The following HTT variants were observed in gnomAD, a reference collection of about 807,000 sequenced individuals.
HTT encodes the protein huntingtin, also known as huntington disease protein.
A neutral mutation model predicts 362.3 loss-of-function variants in HTT; 104 were observed. The ratio of observed to expected loss-of-function variants is 0.29; its 90% CI spans 0.24 to 0.34. The LOEUF (loss-of-function observed/expected upper bound fraction) is 0.34, where lower values mean the gene tolerates loss of function less well. HTT is among the 10% of genes least tolerant of loss of function. The pLI, the probability that HTT is intolerant of heterozygous loss-of-function variation, is 1.00. For synonymous variants in HTT, 1,577 were observed against 1,548.7 expected (o/e 1.02, Z -0.43); for missense variants, 3,301 against 3,928.6 (o/e 0.84, Z 4.27).
At chr4:3,234,311 C>T (rs767058316) in intron 61 of HTT, among the ~76,000 whole-genome samples, 41 of 152,348 alleles carry the variant, frequency 2.7e-4, no homozygotes, top group Non-Finnish European at 4.3e-4. Flanking sequence ...GTCACAAGCC[C>T]GTGGGGAGGC....
At chr4:3,133,771 A>G (rs1037708572) in intron 18 of HTT, among the ~76,000 whole-genome samples, 1 of 152,222 alleles carries the variant, frequency 6.6e-6, no homozygotes, top group African/African-American at 2.4e-5. Flanking sequence ...TTTGTGGGAT[A>G]ACTCCCCCTT....
At chr4:3,167,255 T>C (rs868842003) in intron 29 of HTT, among the ~76,000 whole-genome samples, 9 of 152,110 alleles carry the variant, frequency 5.9e-5, no homozygotes, top group Middle Eastern at 3.2e-3. Context: ...GTATTTTTAG[T>C]GGAGATGGGG....
intron 19 of HTT, among the ~76,000 whole-genome samples, chr4:3,135,200 C>T (rs536500668): frequency 6.6e-6 from 1 of 152,034 alleles, no homozygotes; most frequent in South Asian, 2.1e-4. Flanking sequence ...CTTCATTATA[C>T]TGAACCTAGG....
chr4:3,229,822 G>T, intron 59 of HTT, 65 bp from the exon 60 acceptor site: 2 of 1,544,614 alleles, frequency 1.3e-6, no homozygotes, highest in Admixed American at 3.4e-5. Flanking sequence ...TAGCGTTCTG[G>T]ATGCGTTGCC....
At chr4:3,132,166 C>T (rs1477913392) in intron 16 of HTT, among the ~76,000 whole-genome samples, 1 of 152,210 alleles carries the variant, frequency 6.6e-6, no homozygotes, top group Non-Finnish European at 1.5e-5. Context: ...CGCGCCCATG[C>T]TTACTATGGA....
intron 66 of HTT, among the ~76,000 whole-genome samples, chr4:3,239,197 C>T (rs1560609451): frequency 6.6e-6 from 1 of 152,156 alleles, no homozygotes; most frequent in Non-Finnish European, 1.5e-5. Flanking sequence ...CGGTGTATGG[C>T]AGGAGGGTCG....
Position 3,140,568 on chromosome 4 carries a change from G to A in HTT, c.2857G>A (p.Val953Met), listed in dbSNP as rs370523524. ...AGGACAAGCTGATCCAGTAGTGGCC[G>A]TGGCAAGAGATCAAAGCAGTGTTTA... ...DQGQADPVVA[V>M]ARDQSSVYLK... The change falls in exon 22 of 67, where the codon GTG becomes ATG. Residue 953 changes from valine to methionine, a missense_variant. Val to Met is a conservative substitution (Grantham distance 21). Coordinates refer to ENST00000355072, the MANE Select transcript of HTT (RefSeq NM_001388492.1). 7.4e-6 allele frequency: 12 copies of A among 1,613,730 alleles called. No homozygotes were observed. Among genetic ancestry groups the A allele is most frequent in the Admixed American group, 3.3e-5 (2 of 59,994 alleles).
intron 29 of HTT, among the ~76,000 whole-genome samples, chr4:3,169,067 G>A (rs1040566652): frequency 2.1e-5 from 3 of 139,648 alleles, no homozygotes; most frequent in African/African-American, 9.1e-5. Context: ...CGCCTGCGTT[G>A]GAGTGCAGTG....
At chr4:3,211,896 A>G (rs768107371) in intron 47 of HTT, 33 bp from the exon 48 acceptor site, 3 of 1,480,354 alleles carry the variant, frequency 2.0e-6, no homozygotes, top group Non-Finnish European at 1.9e-6. Flanking sequence ...ATCTGTTGTT[A>G]TTGTTTGTTA....
intron 1 of HTT, among the ~76,000 whole-genome samples, chr4:3,076,998 T>C (rs1265134297): frequency 6.6e-6 from 1 of 152,006 alleles, no homozygotes; most frequent in Non-Finnish European, 1.5e-5. Context: ...GCTAACATGG[T>C]GAAACCCTGT....
At chr4:3,177,490 T>A in intron 34 of HTT, 103 bp downstream of exon 34, 1 of 757,698 alleles carries the variant, frequency 1.3e-6, no homozygotes. Context: ...GCATTTTTGC[T>A]GTTTTCTTTA....
chr4:3,193,079 G>T (rs1485237486), intron 40 of HTT, among the ~76,000 whole-genome samples: 1 of 152,244 alleles, frequency 6.6e-6, no homozygotes, highest in Non-Finnish European at 1.5e-5. Flanking sequence ...AAGAGTTCCG[G>T]CACCCAAGAG....
Position 3,180,520 on chromosome 4 carries a change from C to G in HTT, c.4618C>G (p.Pro1540Ala), listed in dbSNP as rs777899356. The stretch of plus-strand genomic sequence containing the variant: ...GTACCCTTTTGTCCCCACAGCCATA[C>G]CGGCTCTGCAGCCCATAGTCCACGA... ...SGRKAVTHAI[P>A]ALQPIVHDLF... The change falls in exon 36 of 67, where the codon CCG (proline) becomes GCG (alanine). Residue 1540 changes from proline to alanine, a missense_variant. Around this residue, in one of 4 missense-constraint regions of HTT, gnomAD observed 2,316 missense variants for 2,658.5 expected, o/e 0.87. Transcript: ENST00000355072. 1.9e-6 allele frequency: 3 copies of G among 1,600,886 alleles called. No homozygotes were observed. Among genetic ancestry groups the G allele is most frequent in the South Asian group, 2.3e-5 (2 of 88,770 alleles).
At chr4:3,146,748 T>C in intron 24 of HTT, 49 bp from the exon 25 acceptor site, 1 of 1,570,728 alleles carries the variant, frequency 6.4e-7, no homozygotes, top group South Asian at 1.1e-5. Flanking sequence ...AAGACTGTTG[T>C]TTGCTTAAAA....
intron 26 of HTT, among the ~76,000 whole-genome samples, chr4:3,153,553 G>A (rs559684248): frequency 1.3e-5 from 2 of 152,312 alleles, no homozygotes; most frequent in Admixed American, 1.3e-4. Context: ...TTCTAGCTTT[G>A]CTGGTAACCA....
Position 3,205,824 on chromosome 4 carries a change from G to A in HTT, c.5719-672G>A, listed in dbSNP as rs577838930. Among the ~76,000 whole-genome samples the A allele has an allele frequency of 1.9e-4, 29 of 152,260 alleles. No individual in the cohort carries two copies. The East Asian group carries it at 3.7e-3, about 19-fold the overall frequency. The stretch of plus-strand genomic sequence containing the variant: ...TGATCCCAAATGAAAAATATTAATC[G>A]TTAACCAAATATCAAGGAATTGATC... On this transcript the variant is annotated intron_variant, in intron 42 of 66. Coordinates refer to ENST00000355072, the MANE Select transcript of HTT (RefSeq NM_001388492.1).
chr4:3,199,926 C>T lies in HTT; in HGVS notation c.5563C>T (p.Gln1855Ter). Residue 1855 changes from glutamine to a stop codon, truncating the protein, a stop_gained, in exon 41 of 67, where the codon CAG becomes TAG. Coordinates refer to ENST00000355072, the MANE Select transcript of HTT (RefSeq NM_001388492.1). LOFTEE classifies it high-confidence loss of function. ...CGACTACCGCTGGTGGGCAGAAGTG[C>T]AGCAGACCCCGAAGTAGGTTCATAA... The part of the protein sequence containing the change: ...HTDYRWWAEV[Q>*]QTPKRHSLSS... The T allele has an allele frequency of 1.2e-6, 2 of 1,613,364 alleles. No homozygotes were observed. Among genetic ancestry groups the T allele is most frequent in the Non-Finnish European group, 1.7e-6 (2 of 1,179,606 alleles).
At chr4:3,236,000 A>T in intron 63 of HTT, 149 bp from the exon 64 acceptor site, 1 of 731,306 alleles carries the variant, frequency 1.4e-6, no homozygotes, top group South Asian at 1.6e-5. Context: ...CATGTGGCTG[A>T]GCTGGGCTGG....
intron 49 of HTT, chr4:3,213,134 G>GC (rs1720240931): frequency 5.9e-6 from 1 of 170,810 alleles, no homozygotes; most frequent in South Asian, 1.6e-4. Flanking sequence ...TCCTTAAAGG[G>GC]CCATCGCTGT....
Sources: allele counts gnomAD v4.1 joint callset (sites outside exome capture counted in the v4.1 genomes callset), GRCh38; gene constraint gnomAD v4.1.1; regional missense constraint gnomAD v4.1.1; transcripts MANE v1.5; gene names NCBI Gene and HGNC (gene_info 2026-07-23, HGNC 2026-07-21).